MYO3B: variants seen among roughly 807,000 people sequenced by gnomAD.
MYO3B encodes the protein myosin-IIIb.
Under a neutral mutation model 174.6 loss-of-function variants are expected in MYO3B, and 156 were observed. The observed-to-expected ratio is 0.89, with a 90% confidence interval of 0.78 to 1.02. The LOEUF (loss-of-function observed/expected upper bound fraction) is 1.02. Ranked by LOEUF, MYO3B falls within the 50% of genes least tolerant of loss-of-function variation. The pLI, the probability that MYO3B is intolerant of heterozygous loss-of-function variation, is 0.00. For synonymous variants in MYO3B, 563 were observed against 569.1 expected (o/e 0.99, Z 0.15); for missense variants, 1,632 against 1,639.4 (o/e 1.00, Z 0.08).
chr2:170,504,141 C>T (rs1350216759), intron 28 of MYO3B, among the ~76,000 whole-genome samples: 4 of 152,170 alleles, frequency 2.6e-5, no homozygotes, highest in East Asian at 3.9e-4. Context: ...AGTGGCTCCC[C>T]GCTTTAGGAG....
chr2:170,280,089 A>G (rs1448211454), intron 7 of MYO3B, among the ~76,000 whole-genome samples: 2 of 152,224 alleles, frequency 1.3e-5, no homozygotes, highest in South Asian at 2.1e-4. Flanking sequence ...CCAACAGTGT[A>G]TAAGTGTTTT....
At chr2:170,593,207 C>T (rs1033685219) in intron 32 of MYO3B, among the ~76,000 whole-genome samples, 3 of 152,166 alleles carry the variant, frequency 2.0e-5, no homozygotes, top group Non-Finnish European at 4.4e-5. Context: ...AAGCGATCCC[C>T]CCACCTCAGC....
chr2:170,477,153 G>A (rs1685367629), intron 25 of MYO3B, among the ~76,000 whole-genome samples: 1 of 152,140 alleles, frequency 6.6e-6, no homozygotes, highest in Non-Finnish European at 1.5e-5. Flanking sequence ...AGCCTAGACT[G>A]CTGTCAGCCT....
At chr2:170,256,156 A>G (rs556466279) in intron 7 of MYO3B, among the ~76,000 whole-genome samples, 34 of 152,310 alleles carry the variant, frequency 2.2e-4, no homozygotes, top group African/African-American at 7.9e-4. Flanking sequence ...CAAACCTATG[A>G]CTCATTGGCA....
Position 170,236,036 on chromosome 2 carries a change from T to C in MYO3B, c.649T>C (p.Cys217Arg), listed in dbSNP as rs2093066051. ...GTATGACTCTTCCTATGACGCTCGC[T>C]GTGACGTCTGGTCCTTGGGGATCAC... ...QQYDSSYDAR[C>R]DVWSLGITAI... Residue 217 changes from cysteine to arginine, a missense_variant, in exon 7 of 35, where the codon TGT (cysteine) becomes CGT (arginine). Physicochemically the swap from Cys to Arg is radical, Grantham distance 180. Transcript: ENST00000408978. 1 of 1,614,086 alleles carries C rather than the reference T, an allele frequency of 6.2e-7. No individual in the cohort carries two copies. The highest frequency in any genetic ancestry group is 1.3e-5 in the African/African-American group (1 of 75,046).
At chr2:170,410,874 C>T (rs1176720628) in intron 22 of MYO3B, among the ~76,000 whole-genome samples, 5 of 151,608 alleles carry the variant, frequency 3.3e-5, no homozygotes, top group Admixed American at 3.3e-4. Context: ...ATAGAGAAGA[C>T]CCCTTAAAAT....
chr2:170,484,387 G>GA (rs1222958122), intron 25 of MYO3B, among the ~76,000 whole-genome samples: 1 of 152,014 alleles, frequency 6.6e-6, no homozygotes, highest in Non-Finnish European at 1.5e-5. Flanking sequence ...AGTTCAATCA[G>GA]AAAAAAATGC....
At chr2:170,529,396 T>C (rs1490126118) in intron 30 of MYO3B, among the ~76,000 whole-genome samples, 1 of 151,878 alleles carries the variant, frequency 6.6e-6, no homozygotes, top group Non-Finnish European at 1.5e-5. Context: ...CCCTTAGACC[T>C]CTCCTTTCCT....
chr2:170,503,415 G>A (rs1687407932), intron 28 of MYO3B, among the ~76,000 whole-genome samples: 1 of 150,676 alleles, frequency 6.6e-6, no homozygotes, highest in African/African-American at 2.4e-5. Context: ...GGATAATGTT[G>A]CTCAGCGAAA....
intron 23 of MYO3B, among the ~76,000 whole-genome samples, chr2:170,463,132 G>T (rs142249033): frequency 7.2e-5 from 11 of 152,318 alleles, no homozygotes; most frequent in African/African-American, 2.6e-4. Context: ...AATAAGAGGG[G>T]TTTACACTGA....
At chr2:170,306,211 G>A (rs143362499) in intron 7 of MYO3B, among the ~76,000 whole-genome samples, 4 of 152,268 alleles carry the variant, frequency 2.6e-5, no homozygotes, top group Non-Finnish European at 5.9e-5. Context: ...CAAAGACATA[G>A]GAAGTGGAGG....
chr2:170,220,412 C>A (rs2092882937), intron 6 of MYO3B, among the ~76,000 whole-genome samples: 1 of 151,916 alleles, frequency 6.6e-6, no homozygotes, highest in African/African-American at 2.4e-5. Context: ...AGGCGAATCA[C>A]AAGGTCAGGA....
chr2:170,264,081 A>G (rs1362288748), intron 7 of MYO3B, among the ~76,000 whole-genome samples: 1 of 152,210 alleles, frequency 6.6e-6, no homozygotes, highest in Admixed American at 6.5e-5. Flanking sequence ...CATCCTGCAT[A>G]GCCCTAAATC....
chr2:170,244,249 T>C (rs1026028502), intron 7 of MYO3B, among the ~76,000 whole-genome samples: 11 of 152,182 alleles, frequency 7.2e-5, no homozygotes, highest in African/African-American at 2.2e-4. Flanking sequence ...AATTTTTTTG[T>C]CTGCAGATAA....
At chr2:170,253,134 G>T (rs1194084020) in intron 7 of MYO3B, among the ~76,000 whole-genome samples, 1 of 152,132 alleles carries the variant, frequency 6.6e-6, no homozygotes, top group Admixed American at 6.5e-5. Context: ...GAAGGAGGTG[G>T]TAAGAGTAGA....
intron 32 of MYO3B, among the ~76,000 whole-genome samples, chr2:170,634,840 A>G (rs1049562737): frequency 1.3e-5 from 2 of 152,280 alleles, no homozygotes; most frequent in African/African-American, 2.4e-5. Context: ...GAAGACATTT[A>G]TGCAGCCAAC....
chr2:170,542,568 G>A (rs1025337487), intron 30 of MYO3B, among the ~76,000 whole-genome samples: 1 of 152,230 alleles, frequency 6.6e-6, no homozygotes, highest in African/African-American at 2.4e-5. Context: ...TGCAGGAAGT[G>A]TAGCCTTAGC....
chr2:170,479,675 T>C (rs1357027119), intron 25 of MYO3B, among the ~76,000 whole-genome samples: 6 of 146,834 alleles, frequency 4.1e-5, no homozygotes, highest in Non-Finnish European at 9.0e-5. Flanking sequence ...ATACACTACA[T>C]ATATAAACAT....
At chr2:170,381,241 T>C (rs975956037) in intron 9 of MYO3B, among the ~76,000 whole-genome samples, 3 of 152,142 alleles carry the variant, frequency 2.0e-5, no homozygotes, top group Non-Finnish European at 4.4e-5. Flanking sequence ...GTGACTGAAC[T>C]AGGTAGGTAG....
Sources: gnomAD v4.1 joint callset for allele counts (sites outside exome capture counted in the v4.1 genomes callset) on GRCh38, gnomAD v4.1.1 for gene constraint, MANE v1.5 for transcripts, NCBI Gene and HGNC (gene_info 2026-07-23, HGNC 2026-07-21) for gene names.